Variants in ELF2 observed in about 807,000 individuals in gnomAD.
ELF2 encodes the protein ETS-related transcription factor Elf-2.
In ELF2, 11 loss-of-function variants were observed where a neutral mutation model predicts 54.8. The ratio of observed to expected loss-of-function variants is 0.20; its 90% CI spans 0.13 to 0.33. The LOEUF (loss-of-function observed/expected upper bound fraction) is 0.33, where lower values mean the gene tolerates loss of function less well. ELF2 is among the 10% of genes least tolerant of loss of function. The probability of loss-of-function intolerance (pLI) is 1.00; values close to 1 mark genes in which losing one functional copy is unlikely to be tolerated. For synonymous variants in ELF2, 203 were observed against 245.1 expected (o/e 0.83, Z 1.61); for missense variants, 513 against 703.0 (o/e 0.73, Z 3.06).
At chr4:139,132,571 C>T (rs994445429) in intron 3 of ELF2, among the ~76,000 whole-genome samples, 14 of 152,050 alleles carry the variant, frequency 9.2e-5, no homozygotes, top group African/African-American at 2.7e-4. Flanking sequence ...TTGTGTCCAA[C>T]TTCTTTACTG....
intron 4 of ELF2, among the ~76,000 whole-genome samples, chr4:139,092,317 T>A (rs1261599007): frequency 6.6e-6 from 1 of 151,428 alleles, no homozygotes; most frequent in African/African-American, 2.4e-5. Context: ...GCCGAGATCA[T>A]GCCACTGTAC....
chr4:139,137,691 G>A lies in ELF2; in HGVS notation c.11C>T (p.Ala4Val), dbSNP rs1426941072. The part of the protein sequence containing the change: MTS[A>V]VVDSGGTILE... ...AATAGTACCTCCACTGTCAACCACTGCTGATGTCATTGTTATTCCCTGAGG... is the reference window on the plus strand; with the variant it reads ...AATAGTACCTCCACTGTCAACCACTACTGATGTCATTGTTATTCCCTGAGG... The change falls in exon 3 of 10, where the codon GCA (alanine) becomes GTA (valine). Residue 4 changes from alanine to valine, a missense_variant. Physicochemically the swap from Ala to Val is moderately conservative, Grantham distance 64. Around this residue, in one of 3 missense-constraint regions of ELF2, gnomAD observed 203 missense variants for 245.9 expected, o/e 0.83. Transcript: ENST00000686138. 2.5e-6 allele frequency: 4 copies of A among 1,613,968 alleles called. No homozygotes were observed. The Admixed American group carries it at 6.7e-5, about 27-fold the overall frequency.
intron 4 of ELF2, among the ~76,000 whole-genome samples, chr4:139,089,063 TTTCAATACTATTTCTA>T (rs1250776647): frequency 6.6e-6 from 1 of 152,248 alleles, no homozygotes; most frequent in African/African-American, 2.4e-5. Context: ...GGCCAAGGAC[TTTCAATACTATTTCTA>T]TACTGATTCA....
At position 139,084,661 on chromosome 4, in the gene ELF2, G is replaced by T. The variant is rs991633507; in HGVS notation, c.239-11094C>A. ...ACATTTCACGCTCTGCGGAAGAAAAGTCTGCAATTGTCCCCCCTCTGGAAA... is the reference window on the plus strand; with the variant it reads ...ACATTTCACGCTCTGCGGAAGAAAATTCTGCAATTGTCCCCCCTCTGGAAA... On this transcript the variant is annotated intron_variant, in intron 4 of 9. Transcript: ENST00000686138. 8.5e-5 allele frequency among the ~76,000 whole-genome samples: 13 copies of T among 152,318 alleles called. No homozygotes were observed. In the East Asian group the frequency reaches 2.3e-3, roughly 27 times the overall value.
At chr4:139,074,478 G>C (rs1049237785) in intron 4 of ELF2, among the ~76,000 whole-genome samples, 1 of 151,992 alleles carries the variant, frequency 6.6e-6, no homozygotes, top group Non-Finnish European at 1.5e-5. Flanking sequence ...TGAAAATATT[G>C]CAGGGGGGCC....
At chr4:139,150,557 G>A (rs922791848) in intron 1 of ELF2, among the ~76,000 whole-genome samples, 1 of 151,396 alleles carries the variant, frequency 6.6e-6, no homozygotes, top group Non-Finnish European at 1.5e-5. Context: ...TGAGCAAAGG[G>A]CAAAAGTCAG....
At chr4:139,165,982 A>G (rs1161033643) in intron 1 of ELF2, among the ~76,000 whole-genome samples, 1 of 152,236 alleles carries the variant, frequency 6.6e-6, no homozygotes, top group East Asian at 1.9e-4. Flanking sequence ...TGATTATAAT[A>G]AACTTCATCA....
At chr4:139,061,598 G>A (rs1727869336) in intron 8 of ELF2, among the ~76,000 whole-genome samples, 1 of 151,762 alleles carries the variant, frequency 6.6e-6, no homozygotes, top group Admixed American at 6.6e-5. Context: ...TTTTTTTTAA[G>A]CCTACAACTT....
At chr4:139,129,081 G>C (rs1268972453) in intron 3 of ELF2, among the ~76,000 whole-genome samples, 1 of 152,074 alleles carries the variant, frequency 6.6e-6, no homozygotes, top group East Asian at 1.9e-4. Flanking sequence ...TGGGATTACA[G>C]GCATGTGCCA....
In ELF2 at chr4:139,114,750, A is replaced by T. The variant is rs907093720; in HGVS notation, c.238+10414T>A. On this transcript the variant is annotated intron_variant, in intron 4 of 9. Coordinates refer to ENST00000686138, the MANE Select transcript of ELF2 (RefSeq NM_001331036.3). Reference sequence around the variant, plus strand: ...AAAGTCCCATCAGTTTAATAACAATAAAAAAACCCAAAAGTGGAAAACTGA... The same window carrying T: ...AAAGTCCCATCAGTTTAATAACAATTAAAAAACCCAAAAGTGGAAAACTGA... Among the ~76,000 whole-genome samples the T allele has an allele frequency of 1.5e-4, 23 of 151,426 alleles. 1 individual carries two copies. Among genetic ancestry groups the T allele is most frequent in the Admixed American group, 1.3e-4 (2 of 15,206 alleles).
At chr4:139,078,082 T>G (rs972366221) in intron 4 of ELF2, among the ~76,000 whole-genome samples, 4 of 152,218 alleles carry the variant, frequency 2.6e-5, no homozygotes, top group Admixed American at 6.5e-5. Flanking sequence ...ATCTTTCTAA[T>G]CAACCGGTGT....
At chr4:139,126,903 AAAC>A (rs1161682559) in intron 3 of ELF2, among the ~76,000 whole-genome samples, 1 of 152,220 alleles carries the variant, frequency 6.6e-6, no homozygotes, top group Non-Finnish European at 1.5e-5. Flanking sequence ...CATAGGAGAG[AAAC>A]AATGGGAATC....
At chr4:139,134,218 A>C (rs2148853930) in intron 3 of ELF2, among the ~76,000 whole-genome samples, 1 of 152,162 alleles carries the variant, frequency 6.6e-6, no homozygotes, top group East Asian at 1.9e-4. Context: ...TGATATAATC[A>C]CCTAATTTTT....
intron 1 of ELF2, among the ~76,000 whole-genome samples, chr4:139,157,250 G>A (rs1740640294): frequency 6.6e-6 from 1 of 151,964 alleles, no homozygotes; most frequent in Non-Finnish European, 1.5e-5. Flanking sequence ...ATATAGAAAA[G>A]GTACAGTAAA....
At chr4:139,064,230 CCCAGGAGG>C (rs1728332563) in intron 7 of ELF2, among the ~76,000 whole-genome samples, 1 of 152,176 alleles carries the variant, frequency 6.6e-6, no homozygotes, top group Non-Finnish European at 1.5e-5. Flanking sequence ...ATCCCTTGAA[CCCAGGAGG>C]CGGATGTTGC....
intron 1 of ELF2, among the ~76,000 whole-genome samples, chr4:139,151,444 G>A (rs1560872257): frequency 6.6e-6 from 1 of 152,156 alleles, no homozygotes; most frequent in Non-Finnish European, 1.5e-5. Context: ...CAAAAAGGTG[G>A]GGATTGGGGG....
chr4:139,158,291 T>C (rs1284265072), intron 1 of ELF2, among the ~76,000 whole-genome samples: 1 of 152,216 alleles, frequency 6.6e-6, no homozygotes, highest in Non-Finnish European at 1.5e-5. Context: ...TTTGTGATTC[T>C]TCAGTTACTT....
At chr4:139,118,113 C>T (rs1735939827) in intron 4 of ELF2, among the ~76,000 whole-genome samples, 1 of 151,998 alleles carries the variant, frequency 6.6e-6, no homozygotes, top group Admixed American at 6.5e-5. Flanking sequence ...TTGTATTTTC[C>T]AGCTAGTTAT....
At position 139,092,427 on chromosome 4, in the gene ELF2, AT is replaced by A. The variant is rs1281115941; in HGVS notation, c.239-18861del. ...CATAACATAACATACATAACATAACATAACATAACATAACATAACATAACAT... is the reference window on the plus strand; with the variant it reads ...CATAACATAACATACATAACATAACAAACATAACATAACATAACATAACAT... On this transcript the variant is annotated intron_variant, in intron 4 of 9. Transcript: ENST00000686138. Among the ~76,000 whole-genome samples the A allele has an allele frequency of 7.2e-4, 103 of 143,822 alleles. 1 individual carries two copies. Among genetic ancestry groups the A allele is most frequent in the South Asian group, 4.3e-3 (18 of 4,230 alleles). The allele number at this position is 143,822 out of a possible 152,430, so 94.4% of individuals were successfully genotyped here. A position where few individuals can be genotyped will look rare whatever the true frequency, so the allele number is the denominator to read the frequency against.
Sources: allele counts gnomAD v4.1 joint callset (sites outside exome capture counted in the v4.1 genomes callset), GRCh38; gene constraint gnomAD v4.1.1; regional missense constraint gnomAD v4.1.1; transcripts MANE v1.5; gene names NCBI Gene and HGNC (gene_info 2026-07-23, HGNC 2026-07-21).